SPIRE1: variants seen among roughly 807,000 people sequenced by gnomAD.
SPIRE1 encodes the protein protein spire homolog 1.
SPIRE1 carries 40 observed loss-of-function variants against 94.1 expected under a neutral mutation model. That is an observed-to-expected ratio of 0.43 (90% CI 0.33 to 0.55). The LOEUF (loss-of-function observed/expected upper bound fraction) is 0.55, where lower values mean the gene tolerates loss of function less well. SPIRE1 is among the 20% of genes least tolerant of loss of function. SPIRE1 has a pLI of 0.06. For synonymous variants in SPIRE1, 376 were observed against 371.7 expected (o/e 1.01, Z -0.13); for missense variants, 838 against 975.2 (o/e 0.86, Z 1.87).
intron 2 of SPIRE1, among the ~76,000 whole-genome samples, chr18:12,580,427 G>A (rs1007237880): frequency 6.6e-6 from 1 of 151,926 alleles, no homozygotes; most frequent in South Asian, 2.1e-4. Flanking sequence ...AGGTTCAAGC[G>A]ATTCTCCTGC....
At chr18:12,552,650 G>A (rs2035385371) in intron 2 of SPIRE1, among the ~76,000 whole-genome samples, 1 of 152,106 alleles carries the variant, frequency 6.6e-6, no homozygotes, top group Admixed American at 6.5e-5. Context: ...GCACTGTGAA[G>A]ATCCCTGTCC....
intron 10 of SPIRE1, among the ~76,000 whole-genome samples, chr18:12,476,299 G>A (rs1234565090): frequency 6.6e-6 from 1 of 151,974 alleles, no homozygotes; most frequent in African/African-American, 2.4e-5. Context: ...AGCTCTTTGG[G>A]AGGCTGAGGC....
rs1047330900 is a variant in SPIRE1, at chr18:12,476,759, C to T, written c.1404+2940G>A. ...GGCATTCCCACATTTAATACCTTTG[C>T]TCTTCCCTTATACTTAAAAACATCA... On this transcript the variant is annotated intron_variant, in intron 10 of 16. Coordinates refer to ENST00000409402, the MANE Select transcript of SPIRE1 (RefSeq NM_001128626.2). Among the ~76,000 whole-genome samples the T allele has an allele frequency of 7.3e-5, 11 of 151,650 alleles. No homozygotes were observed. The East Asian group carries it at 1.4e-3, about 19-fold the overall frequency.
At chr18:12,514,537 T>C (rs1336928594) in intron 4 of SPIRE1, among the ~76,000 whole-genome samples, 1 of 152,190 alleles carries the variant, frequency 6.6e-6, no homozygotes, top group Non-Finnish European at 1.5e-5. Flanking sequence ...TTAGTAAATA[T>C]TTCTTCATTA....
chr18:12,501,746 A>G (rs1326722334), intron 6 of SPIRE1, among the ~76,000 whole-genome samples: 1 of 152,184 alleles, frequency 6.6e-6, no homozygotes, highest in Non-Finnish European at 1.5e-5. Flanking sequence ...GGACTGCTTG[A>G]GCCCAGGAGT....
At chr18:12,464,108 G>C (rs867117542) in intron 11 of SPIRE1, among the ~76,000 whole-genome samples, 1 of 152,148 alleles carries the variant, frequency 6.6e-6, no homozygotes, top group East Asian at 1.9e-4. Context: ...GGTGTGGAAA[G>C]TGAGAGTCAA....
At chr18:12,461,161 G>A (rs1723214526) in intron 12 of SPIRE1, among the ~76,000 whole-genome samples, 1 of 152,194 alleles carries the variant, frequency 6.6e-6, no homozygotes, top group Admixed American at 6.5e-5. Context: ...ATGGGCCCTT[G>A]GGGTCAGCTG....
intron 6 of SPIRE1, among the ~76,000 whole-genome samples, chr18:12,505,563 A>AC (rs970334383): frequency 2.0e-5 from 3 of 151,776 alleles, no homozygotes; most frequent in African/African-American, 4.8e-5. Flanking sequence ...AAAAAAAAAA[A>AC]AAAACAAAAA....
intron 2 of SPIRE1, among the ~76,000 whole-genome samples, chr18:12,599,120 C>G (rs1388906154): frequency 1.3e-5 from 2 of 152,096 alleles, no homozygotes; most frequent in African/African-American, 4.8e-5. Flanking sequence ...TAGATGACCA[C>G]AATATAATTA....
intron 4 of SPIRE1, among the ~76,000 whole-genome samples, chr18:12,514,979 A>T (rs1204542500): frequency 6.6e-6 from 1 of 152,184 alleles, no homozygotes; most frequent in Non-Finnish European, 1.5e-5. Context: ...TCAAGTACGC[A>T]TAAATGGACC....
intron 10 of SPIRE1, among the ~76,000 whole-genome samples, chr18:12,466,356 G>A (rs71351480): frequency 5.9e-5 from 9 of 151,980 alleles, no homozygotes; most frequent in Admixed American, 2.0e-4. Flanking sequence ...AGCTCACTGC[G>A]ACCTCCGCCT....
intron 1 of SPIRE1, among the ~76,000 whole-genome samples, chr18:12,649,504 T>C (rs1451711774): frequency 1.3e-5 from 2 of 152,230 alleles, no homozygotes; most frequent in East Asian, 3.8e-4. Context: ...GAAGTTATTT[T>C]CCTTTTTTCT....
intron 2 of SPIRE1, among the ~76,000 whole-genome samples, chr18:12,587,682 T>C (rs1163177620): frequency 6.6e-6 from 1 of 152,180 alleles, no homozygotes; most frequent in East Asian, 1.9e-4. Flanking sequence ...TGAGAACTAC[T>C]GGTCTAACAA....
At chr18:12,620,217 C>T (rs1458912281) in intron 2 of SPIRE1, among the ~76,000 whole-genome samples, 1 of 152,134 alleles carries the variant, frequency 6.6e-6, no homozygotes, top group Non-Finnish European at 1.5e-5. Flanking sequence ...ATACTGTGTT[C>T]ATGGTCTAAG....
rs567833882 is a variant in SPIRE1, at chr18:12,487,335, C to T, written c.1190-1335G>A. ...CTATCCATGGTTTCAAGCATCCACTCGGGGTCTTGGCATATGTCTCCCCCT... is the reference window on the plus strand; with the variant it reads ...CTATCCATGGTTTCAAGCATCCACTTGGGGTCTTGGCATATGTCTCCCCCT... On this transcript the variant is annotated intron_variant, in intron 8 of 16. Coordinates refer to ENST00000409402, the MANE Select transcript of SPIRE1 (RefSeq NM_001128626.2). Among the ~76,000 whole-genome samples the T allele has an allele frequency of 5.9e-5, 9 of 151,912 alleles. No individual in the cohort carries two copies. In the East Asian group the frequency reaches 9.6e-4, roughly 16 times the overall value.
At chr18:12,641,977 A>G (rs1215573213) in intron 1 of SPIRE1, among the ~76,000 whole-genome samples, 5 of 151,618 alleles carry the variant, frequency 3.3e-5, no homozygotes, top group Non-Finnish European at 5.9e-5. Flanking sequence ...GACTACAGGC[A>G]CGCACCACCA....
intron 10 of SPIRE1, among the ~76,000 whole-genome samples, chr18:12,465,403 C>T (rs892264903): frequency 5.9e-5 from 9 of 152,020 alleles, no homozygotes; most frequent in African/African-American, 1.9e-4. Flanking sequence ...TGAGCTCAAG[C>T]GATCCTCCCA....
At chr18:12,459,786 C>G (rs1335997916) in intron 12 of SPIRE1, 2 of 985,780 alleles carry the variant, frequency 2.0e-6, no homozygotes, top group Non-Finnish European at 2.4e-6. Flanking sequence ...GGTAAAAGCT[C>G]TCTCACACAG....
intron 8 of SPIRE1, among the ~76,000 whole-genome samples, chr18:12,489,096 G>C (rs1423115438): frequency 6.6e-6 from 1 of 152,178 alleles, no homozygotes; most frequent in Non-Finnish European, 1.5e-5. Flanking sequence ...GCTGAGGCAG[G>C]AGAATGGTGT....
Sources: gnomAD v4.1 joint callset for allele counts (sites outside exome capture counted in the v4.1 genomes callset) on GRCh38, gnomAD v4.1.1 for gene constraint, MANE v1.5 for transcripts, NCBI Gene and HGNC (gene_info 2026-07-23, HGNC 2026-07-21) for gene names.